The following MALRD1 variants were observed in gnomAD, a reference collection of about 807,000 sequenced individuals.
MALRD1 encodes the protein MAM and LDL receptor class A domain containing 1.
Under a neutral mutation model 242.1 loss-of-function variants are expected in MALRD1, and 247 were observed. That is an observed-to-expected ratio of 1.02 (90% CI 0.92 to 1.13). MALRD1 has a LOEUF of 1.13. MALRD1 is among the 50% of genes most tolerant of loss of function. The pLI is 0.00. For synonymous variants in MALRD1, 995 were observed against 866.6 expected (o/e 1.15, Z -2.60); for missense variants, 2,989 against 2,533.1 (o/e 1.18, Z -3.86).
At chr10:19,714,434 T>C (rs1042778017) in intron 38 of MALRD1, among the ~76,000 whole-genome samples, 1 of 152,044 alleles carries the variant, frequency 6.6e-6, no homozygotes. Flanking sequence ...AGAGTGTTCC[T>C]CTCGACGTCC....
In MALRD1 at chr10:19,520,080, C is replaced by T. The variant is rs190978643; in HGVS notation, c.5321-11114C>T. Among the ~76,000 whole-genome samples, 42 of 152,154 alleles carry T rather than the reference C, an allele frequency of 2.8e-4. 1 individual carries two copies. The East Asian group carries it at 7.5e-3, about 27-fold the overall frequency. On this transcript the variant is annotated intron_variant, in intron 31 of 39. Transcript: ENST00000454679. ...TCTGAACAGGCTTTTTCATTTAATC[C>T]TCACAACAACCTTGAGTCGTTCACG...
chr10:19,224,467 G>A (rs1837700537), intron 18 of MALRD1, among the ~76,000 whole-genome samples: 1 of 151,650 alleles, frequency 6.6e-6, no homozygotes, highest in Non-Finnish European at 1.5e-5. Flanking sequence ...TTTTTTGTGT[G>A]TTTTTGGTAG....
At chr10:19,205,714 C>G (rs72786552) in intron 17 of MALRD1, among the ~76,000 whole-genome samples, 9,904 of 151,822 alleles carry the variant, frequency 0.065, 425 homozygotes, top group Middle Eastern at 0.11. Flanking sequence ...GGCTGCAAGG[C>G]AGATGGAAAA....
chr10:19,513,621 CCCAGCTA>C (rs1227233469), intron 31 of MALRD1, among the ~76,000 whole-genome samples: 14 of 151,858 alleles, frequency 9.2e-5, no homozygotes, highest in Middle Eastern at 6.8e-3. Flanking sequence ...TGCCTGTAGC[CCCAGCTA>C]CTCGGGAGGC....
intron 1 of MALRD1, among the ~76,000 whole-genome samples, chr10:19,063,303 T>C (rs900292171): frequency 2.6e-5 from 4 of 152,082 alleles, no homozygotes; most frequent in Admixed American, 6.6e-5. Flanking sequence ...TTGAAATAAG[T>C]GTGGTTTCTA....
chr10:19,088,313 C>G, intron 4 of MALRD1, 128 bp downstream of exon 4: 1 of 844,924 alleles, frequency 1.2e-6, no homozygotes, highest in East Asian at 3.3e-5. Flanking sequence ...CCAGGACTTT[C>G]AAATGCTGAA....
chr10:19,060,654 T>G (rs946968286), intron 1 of MALRD1, among the ~76,000 whole-genome samples: 1 of 152,204 alleles, frequency 6.6e-6, no homozygotes, highest in Non-Finnish European at 1.5e-5. Context: ...TTAGTCAAAA[T>G]TGGATAGTCT....
intron 10 of MALRD1, among the ~76,000 whole-genome samples, chr10:19,138,530 C>T (rs1441423802): frequency 6.6e-6 from 1 of 151,262 alleles, no homozygotes; most frequent in Admixed American, 6.6e-5. Flanking sequence ...AAGTGATTCT[C>T]CTGTCTCGGC....
intron 28 of MALRD1, among the ~76,000 whole-genome samples, chr10:19,390,325 C>A (rs1169587821): frequency 6.6e-6 from 1 of 152,172 alleles, no homozygotes; most frequent in Non-Finnish European, 1.5e-5. Flanking sequence ...TGGTTCTAAG[C>A]ACACTGTGCA....
At chr10:19,128,520 A>T (rs982794205) in intron 8 of MALRD1, 133 bp downstream of exon 8, 10 of 523,262 alleles carry the variant, frequency 1.9e-5, no homozygotes, top group Admixed American at 4.4e-5. Context: ...GTATACTTTT[A>T]AAAAGAATGA....
At chr10:19,516,877 A>G (rs911122696) in intron 31 of MALRD1, among the ~76,000 whole-genome samples, 3 of 152,112 alleles carry the variant, frequency 2.0e-5, no homozygotes, top group African/African-American at 7.2e-5. Flanking sequence ...TTAAATTTTT[A>G]CATCTTAAAG....
At chr10:19,228,919 A>G (rs1837914843) in intron 18 of MALRD1, among the ~76,000 whole-genome samples, 1 of 152,132 alleles carries the variant, frequency 6.6e-6, no homozygotes, top group African/African-American at 2.4e-5. Context: ...TGAAAAATTG[A>G]AAATAAAATG....
Position 19,376,542 on chromosome 10 carries a change from C to CATTTTTTT in MALRD1, c.4442-10986_4442-10985insATTTTTTT, listed in dbSNP as rs1554842468. 4.2e-4 allele frequency among the ~76,000 whole-genome samples: 40 copies of CATTTTTTT among 94,988 alleles called. 6 individuals carry two copies. Among genetic ancestry groups the CATTTTTTT allele is most frequent in the African/African-American group, 1.1e-3 (29 of 25,268 alleles). The allele number at this position is 94,988 out of a possible 152,430, so 62.3% of individuals were successfully genotyped here. ...TTGAAAGTCAAGGAGTTGATACATTCTTTTTTTTTTTTTTTTTTTTTTTTT... is the reference window on the plus strand; with the variant it reads ...TTGAAAGTCAAGGAGTTGATACATTCATTTTTTTTTTTTTTTTTTTTTTTTTTTTTTTT... On this transcript the variant is annotated intron_variant, in intron 26 of 39. Coordinates refer to ENST00000454679, the MANE Select transcript of MALRD1 (RefSeq NM_001142308.3).
intron 30 of MALRD1, 124 bp from the exon 31 acceptor site, chr10:19,498,361 G>A: frequency 1.2e-6 from 1 of 816,158 alleles, no homozygotes; most frequent in African/African-American, 1.7e-5. Context: ...ATGTCTTGAT[G>A]CTGTAAGTGT....
chr10:19,308,363 A>G (rs746379458), intron 21 of MALRD1, among the ~76,000 whole-genome samples: 33 of 151,634 alleles, frequency 2.2e-4, no homozygotes, highest in Middle Eastern at 3.4e-3. Flanking sequence ...TGTAAACTAT[A>G]TGGTATATTA....
At chr10:19,716,067 G>A (rs595118) in intron 38 of MALRD1, among the ~76,000 whole-genome samples, 89,118 of 152,044 alleles carry the variant, frequency 0.59, 26,895 homozygotes, top group African/African-American at 0.73. Context: ...AAATCATATC[G>A]CTACTCAAAC....
chr10:19,463,263 C>T (rs1836034965), intron 29 of MALRD1, among the ~76,000 whole-genome samples: 1 of 151,560 alleles, frequency 6.6e-6, no homozygotes, highest in African/African-American at 2.4e-5. Flanking sequence ...TTTGGTGCAC[C>T]CATCACGTGA....
chr10:19,179,549 T>G (rs1835408769), intron 14 of MALRD1, among the ~76,000 whole-genome samples: 1 of 151,894 alleles, frequency 6.6e-6, no homozygotes, highest in South Asian at 2.1e-4. Flanking sequence ...ACTCAGGAGG[T>G]GCAGGTTGCA....
At chr10:19,235,653 T>G (rs1314217919) in intron 18 of MALRD1, among the ~76,000 whole-genome samples, 2 of 143,302 alleles carry the variant, frequency 1.4e-5, no homozygotes, top group Non-Finnish European at 3.0e-5. Flanking sequence ...GGGTCTAAAC[T>G]GGGAACACTT....
Sources: gnomAD v4.1 joint callset for allele counts (sites outside exome capture counted in the v4.1 genomes callset) on GRCh38, gnomAD v4.1.1 for gene constraint, MANE v1.5 for transcripts, NCBI Gene and HGNC (gene_info 2026-07-23, HGNC 2026-07-21) for gene names.